Variants in PPM1L observed in about 807,000 individuals in gnomAD.
The protein encoded by PPM1L is protein phosphatase, Mg2+/Mn2+ dependent 1L.
In PPM1L, 13 loss-of-function variants were observed where a neutral mutation model predicts 31.4. The ratio of observed to expected loss-of-function variants is 0.41; its 90% CI spans 0.27 to 0.66. PPM1L has a LOEUF of 0.66. PPM1L is among the 30% of genes least tolerant of loss of function. The pLI is 0.29. For missense variants in PPM1L, 326 were observed against 453.7 expected, an observed-to-expected ratio of 0.72 and a Z score of 2.56; for synonymous variants, 184 against 175.4, an observed-to-expected ratio of 1.05 and a Z score of -0.39.
At chr3:160,907,397 A>G (rs944034984) in intron 1 of PPM1L, among the ~76,000 whole-genome samples, 1 of 152,216 alleles carries the variant, frequency 6.6e-6, no homozygotes, top group Non-Finnish European at 1.5e-5. Flanking sequence ...AACAAATCAC[A>G]TCCAAAACTA....
chr3:160,787,870 T>C (rs1475910093), intron 1 of PPM1L, among the ~76,000 whole-genome samples: 1 of 152,030 alleles, frequency 6.6e-6, no homozygotes, highest in Admixed American at 6.6e-5. Context: ...ATAGGAAAAT[T>C]GAATTTTCCT....
intron 2 of PPM1L, among the ~76,000 whole-genome samples, chr3:160,988,494 T>C (rs1482532563): frequency 6.6e-6 from 1 of 152,270 alleles, no homozygotes; most frequent in East Asian, 1.9e-4. Flanking sequence ...GAGTGAAACA[T>C]TTTTCCTCTG....
rs1247073415 is a variant in PPM1L at position 160,910,646 on chromosome 3, A to G, written c.400-51090A>G. 3.3e-5 allele frequency among the ~76,000 whole-genome samples: 5 copies of G among 152,080 alleles called. No individual in the cohort carries two copies. In the East Asian group the frequency reaches 7.7e-4, roughly 24 times the overall value. On this transcript the variant is annotated intron_variant, in intron 1 of 3. Coordinates refer to ENST00000498165, the MANE Select transcript of PPM1L (RefSeq NM_139245.4). ...ACTTTCAAGCTTTCAGTTTAATTCC[A>G]TGGCTTTTATTTTCTTTTCCATTTT...
At chr3:160,946,683 C>A (rs755350861) in intron 1 of PPM1L, among the ~76,000 whole-genome samples, 1 of 152,064 alleles carries the variant, frequency 6.6e-6, no homozygotes, top group Non-Finnish European at 1.5e-5. Flanking sequence ...AGGAAAATAA[C>A]AAGGTGGGAT....
intron 1 of PPM1L, among the ~76,000 whole-genome samples, chr3:160,817,924 G>A (rs1713044927): frequency 6.6e-6 from 1 of 151,990 alleles, no homozygotes; most frequent in Admixed American, 6.6e-5. Context: ...TGGAACCAGA[G>A]ATTTAAGAGT....
chr3:160,795,522 C>A (rs1712221834), intron 1 of PPM1L, among the ~76,000 whole-genome samples: 1 of 152,190 alleles, frequency 6.6e-6, no homozygotes, highest in Non-Finnish European at 1.5e-5. Context: ...CCTCAGACCC[C>A]AGTTGTGACT....
intron 1 of PPM1L, among the ~76,000 whole-genome samples, chr3:160,868,609 C>A (rs1305349065): frequency 6.6e-6 from 1 of 152,044 alleles, no homozygotes; most frequent in Non-Finnish European, 1.5e-5. Context: ...CATGTTTCCA[C>A]CTAAAACCTA....
rs1415915303 is a variant in PPM1L at position 161,055,702 on chromosome 3, ATCTC to A, written c.575-9697_575-9694del. 5.9e-5 allele frequency among the ~76,000 whole-genome samples: 9 copies of A among 151,848 alleles called. No individual in the cohort carries two copies. In the South Asian group the frequency reaches 1.0e-3, roughly 18 times the overall value. ...AAATCCTTGAAGTGTGTGTGTGCCT[ATCTC>A]TCTATGTCTCGCCCCCTTTCGCCTC... On this transcript the variant is annotated intron_variant, in intron 2 of 3. Coordinates refer to ENST00000498165, the MANE Select transcript of PPM1L (RefSeq NM_139245.4).
chr3:160,782,161 CTGTT>C (rs982571664), intron 1 of PPM1L, among the ~76,000 whole-genome samples: 13 of 151,402 alleles, frequency 8.6e-5, no homozygotes, highest in Admixed American at 5.9e-4. Flanking sequence ...TCTCCCTATT[CTGTT>C]TGTTTTTTTT....
intron 1 of PPM1L, among the ~76,000 whole-genome samples, chr3:160,765,093 T>A (rs1476422749): frequency 6.6e-6 from 1 of 152,234 alleles, no homozygotes; most frequent in Non-Finnish European, 1.5e-5. Context: ...TAAAGTACTT[T>A]ACATATGTTA....
chr3:161,053,440 C>T (rs1719330377), intron 2 of PPM1L, among the ~76,000 whole-genome samples: 1 of 152,130 alleles, frequency 6.6e-6, no homozygotes, highest in African/African-American at 2.4e-5. Flanking sequence ...TCATACTTAA[C>T]AGAAAAGGAA....
intron 2 of PPM1L, among the ~76,000 whole-genome samples, chr3:161,002,341 G>C (rs1422054236): frequency 2.6e-5 from 4 of 151,950 alleles, no homozygotes; most frequent in Non-Finnish European, 2.9e-5. Context: ...ATAGTCGTTT[G>C]GGTATATACC....
chr3:161,059,378 G>A (rs1003078545), intron 2 of PPM1L, among the ~76,000 whole-genome samples: 5 of 152,108 alleles, frequency 3.3e-5, no homozygotes, highest in Non-Finnish European at 4.4e-5. Flanking sequence ...GAGGGTCATC[G>A]TGTTTTCATC....
chr3:160,963,694 T>C (rs1220201461), intron 2 of PPM1L, among the ~76,000 whole-genome samples: 1 of 152,020 alleles, frequency 6.6e-6, no homozygotes, highest in African/African-American at 2.4e-5. Flanking sequence ...GGGGCACAAG[T>C]AGACATCAAG....
chr3:160,896,997 T>G (rs1387906357), intron 1 of PPM1L, among the ~76,000 whole-genome samples: 1 of 151,946 alleles, frequency 6.6e-6, no homozygotes, highest in Non-Finnish European at 1.5e-5. Context: ...TAGTGATTGC[T>G]AGTCTAGTCA....
intron 2 of PPM1L, among the ~76,000 whole-genome samples, chr3:161,003,507 T>C (rs1717582552): frequency 6.6e-6 from 1 of 151,420 alleles, no homozygotes; most frequent in Non-Finnish European, 1.5e-5. Context: ...TATCCTCTTT[T>C]ATTTCGTTGA....
intron 1 of PPM1L, among the ~76,000 whole-genome samples, chr3:160,869,245 T>G (rs1712210900): frequency 6.6e-6 from 1 of 152,234 alleles, no homozygotes; most frequent in Non-Finnish European, 1.5e-5. Context: ...CCAGCCTAAA[T>G]TAATAACTGG....
chr3:160,774,367 A>G (rs1049100033), intron 1 of PPM1L, among the ~76,000 whole-genome samples: 8 of 152,092 alleles, frequency 5.3e-5, no homozygotes, highest in African/African-American at 1.9e-4. Context: ...ACTTTACACT[A>G]GGATTGTGAC....
intron 3 of PPM1L, among the ~76,000 whole-genome samples, chr3:161,065,805 A>G (rs1719721671): frequency 6.6e-6 from 1 of 152,186 alleles, no homozygotes; most frequent in Admixed American, 6.5e-5. Flanking sequence ...GGCTAATAAG[A>G]TCTTTGGGCC....
Sources: gnomAD v4.1 joint callset for allele counts (sites outside exome capture counted in the v4.1 genomes callset) on GRCh38, gnomAD v4.1.1 for gene constraint, MANE v1.5 for transcripts, NCBI Gene and HGNC (gene_info 2026-07-23, HGNC 2026-07-21) for gene names.